Variants in STOX2 observed in about 807,000 individuals in gnomAD.
STOX2 encodes storkhead box 2, also known as storkhead-box protein 2.
In STOX2, 28 loss-of-function variants were observed where a neutral mutation model predicts 60.9. The ratio of observed to expected loss-of-function variants is 0.46; its 90% CI spans 0.34 to 0.63. The LOEUF (loss-of-function observed/expected upper bound fraction) is 0.63. Among genes scored for constraint, STOX2 ranks in the 30% least tolerant of loss-of-function variants. The pLI, the probability that STOX2 is intolerant of heterozygous loss-of-function variation, is 0.01. For missense variants in STOX2, 1,024 were observed against 1,187.7 expected (o/e 0.86, Z 2.03); for synonymous variants, 472 against 463.9 (o/e 1.02, Z -0.22).
intron 1 of STOX2, among the ~76,000 whole-genome samples, chr4:183,872,836 A>G (rs560402487): frequency 2.0e-5 from 3 of 151,982 alleles, no homozygotes; most frequent in African/African-American, 7.2e-5. Context: ...CATGTATCTG[A>G]CACTTTGGAA....
intron 1 of STOX2, among the ~76,000 whole-genome samples, chr4:183,848,766 A>G (rs552938502): frequency 2.0e-4 from 31 of 152,324 alleles, no homozygotes; most frequent in African/African-American, 7.5e-4. Context: ...GAAGATTAGA[A>G]ATACAAAACT....
At chr4:183,957,505 C>CT (rs59920136) in intron 1 of STOX2, among the ~76,000 whole-genome samples, 59,387 of 151,988 alleles carry the variant, frequency 0.39, 13,595 homozygotes, top group African/African-American at 0.63. Flanking sequence ...AAGCACTGTC[C>CT]TTTCTAAGCA....
intron 1 of STOX2, among the ~76,000 whole-genome samples, chr4:183,844,367 G>A (rs1579326789): frequency 1.3e-5 from 2 of 152,318 alleles, no homozygotes; most frequent in East Asian, 1.9e-4. Context: ...ACCATGGTGA[G>A]CATTGATTTA....
intron 1 of STOX2, among the ~76,000 whole-genome samples, chr4:183,893,138 G>A (rs1309375298): frequency 2.0e-5 from 3 of 150,336 alleles, no homozygotes; most frequent in Non-Finnish European, 4.4e-5. Context: ...CTCCCTCACT[G>A]TCTTTAATTT....
intron 1 of STOX2, among the ~76,000 whole-genome samples, chr4:183,845,134 A>G (rs10002396): frequency 0.025 from 3,819 of 152,324 alleles, 170 homozygotes; most frequent in African/African-American, 0.088. Flanking sequence ...CCATAGGTAA[A>G]TACAAAATAG....
Position 183,848,113 on chromosome 4 carries a change from G to A in STOX2, c.364+50058G>A, listed in dbSNP as rs572626130. On this transcript the variant is annotated intron_variant, in intron 1 of 2. Coordinates refer to the STOX2 transcript ENST00000513034. ...ATTAGGGGACAGCGTGTGGTTGCCT[G>A]TAACAGAAAATTGTTTCATACTGGC... Among the ~76,000 whole-genome samples, 8 of 152,312 alleles carry A rather than the reference G, an allele frequency of 5.3e-5. No individual in the cohort carries two copies. In the South Asian group the frequency reaches 1.4e-3, roughly 28 times the overall value.
In STOX2 at chr4:183,936,419, T is replaced by C. The variant is rs190416665; in HGVS notation, c.166+29463T>C. Among the ~76,000 whole-genome samples, 772 of 116,394 alleles carry C rather than the reference T, an allele frequency of 6.6e-3. 5 individuals are homozygous for C. Among genetic ancestry groups the C allele is most frequent in the Non-Finnish European group, 9.6e-3 (583 of 60,594 alleles). The allele number at this position is 116,394 out of a possible 152,430, so 76.4% of individuals were successfully genotyped here. ...TAAGGTTTTTGCATATTTTCTCTCTTTTTTTTTTTTCCGCAGTGGATCATG... is the reference window on the plus strand; with the variant it reads ...TAAGGTTTTTGCATATTTTCTCTCTCTTTTTTTTTTCCGCAGTGGATCATG... On this transcript the variant is annotated intron_variant, in intron 1 of 3. Coordinates refer to ENST00000308497, the MANE Select transcript of STOX2 (RefSeq NM_020225.3).
At chr4:183,908,612 T>A (rs867596695) in intron 1 of STOX2, among the ~76,000 whole-genome samples, 5 of 138,478 alleles carry the variant, frequency 3.6e-5, no homozygotes, top group Middle Eastern at 7.9e-3. Flanking sequence ...TTTTTTTTTT[T>A]AATCTATCTT....
chr4:183,854,578 A>G (rs1254835305), intron 1 of STOX2, among the ~76,000 whole-genome samples: 1 of 152,260 alleles, frequency 6.6e-6, no homozygotes, highest in Non-Finnish European at 1.5e-5. Context: ...GTTTTAAAAT[A>G]GCAAGTAGTG....
chr4:184,000,760 G>C (rs1459285727), intron 1 of STOX2, among the ~76,000 whole-genome samples: 2 of 123,454 alleles, frequency 1.6e-5, no homozygotes, highest in African/African-American at 2.6e-5. Flanking sequence ...TCAGCACCCA[G>C]GTGTTGTTCT....
chr4:183,818,529 C>CT (rs1739210908), intron 1 of STOX2, among the ~76,000 whole-genome samples: 2 of 152,368 alleles, frequency 1.3e-5, no homozygotes, highest in East Asian at 1.9e-4. Context: ...TCTGATTTCT[C>CT]TATCTTTTCC....
chr4:183,848,467 C>T (rs560478285), intron 1 of STOX2, among the ~76,000 whole-genome samples: 9 of 152,262 alleles, frequency 5.9e-5, no homozygotes, highest in South Asian at 2.1e-4. Flanking sequence ...CATGTTCACT[C>T]GTATATCCAT....
chr4:183,869,969 G>A (rs370949217), intron 1 of STOX2, among the ~76,000 whole-genome samples: 2 of 152,158 alleles, frequency 1.3e-5, no homozygotes, highest in Non-Finnish European at 2.9e-5. Context: ...CAAGCAGGCC[G>A]TAAAGCAGCC....
At chr4:184,002,445 A>C (rs1428800899) in intron 2 of STOX2, among the ~76,000 whole-genome samples, 1 of 152,264 alleles carries the variant, frequency 6.6e-6, no homozygotes, top group East Asian at 1.9e-4. Context: ...CTGGGTAACA[A>C]ACAACTACAG....
intron 1 of STOX2, among the ~76,000 whole-genome samples, chr4:183,805,022 G>A (rs1018007679): frequency 1.3e-5 from 2 of 152,204 alleles, no homozygotes; most frequent in East Asian, 1.9e-4. Context: ...TCTGTGTCTT[G>A]CGACGGGTTG....
At position 184,017,174 on chromosome 4, in the gene STOX2, G is replaced by A; in HGVS notation, c.2671G>A (p.Gly891Arg). 1.2e-6 allele frequency: 2 copies of A among 1,613,310 alleles called. No homozygotes were observed. Among genetic ancestry groups the A allele is most frequent in the Non-Finnish European group, 1.7e-6 (2 of 1,179,444 alleles). ...CCCCGCTTTGAGCCCGGCCCATGGT[G>A]GAGCTGGTCCAGCCTTCAACTTCCG... ...QNPALSPAHG[G>R]AGPAFNFRAS... Residue 891 changes from glycine (G) to arginine (R), a missense_variant, in exon 4 of 4, where the codon GGA becomes AGA. Coordinates refer to ENST00000308497, the MANE Select transcript of STOX2 (RefSeq NM_020225.3).
chr4:183,988,188 C>G (rs183840563), intron 1 of STOX2: 18 of 152,110 alleles, frequency 1.2e-4, no homozygotes, highest in African/African-American at 4.3e-4. Context: ...TTTCTTGGAG[C>G]GATGACTCAT....
chr4:183,899,256 A>C (rs547306739), intron 1 of STOX2, among the ~76,000 whole-genome samples: 1 of 152,164 alleles, frequency 6.6e-6, no homozygotes, highest in African/African-American at 2.4e-5. Context: ...AACTAGGCCA[A>C]TTAATAACCC....
chr4:183,972,936 A>C (rs1252368029), intron 1 of STOX2, among the ~76,000 whole-genome samples: 1 of 152,228 alleles, frequency 6.6e-6, no homozygotes, highest in Non-Finnish European at 1.5e-5. Flanking sequence ...GAACTGAAAT[A>C]TATAATAATC....
Sources: allele counts gnomAD v4.1 joint callset (sites outside exome capture counted in the v4.1 genomes callset), GRCh38; gene constraint gnomAD v4.1.1; transcripts MANE v1.5; gene names NCBI Gene and HGNC (gene_info 2026-07-23, HGNC 2026-07-21).